Variants in DIS3L observed in about 807,000 individuals in gnomAD.
The protein encoded by DIS3L is DIS3-like exonuclease 1.
DIS3L carries 100 observed loss-of-function variants against 120.3 expected under a neutral mutation model. The ratio of observed to expected loss-of-function variants is 0.83; its 90% CI spans 0.71 to 0.98. The LOEUF (loss-of-function observed/expected upper bound fraction) is 0.98, where lower values mean the gene tolerates loss of function less well. Ranked by LOEUF, DIS3L falls within the 50% of genes least tolerant of loss-of-function variation. The pLI is 0.00. For missense variants in DIS3L, 1,196 were observed against 1,314.2 expected, an observed-to-expected ratio of 0.91 and a Z score of 1.39; for synonymous variants, 426 against 470.6, an observed-to-expected ratio of 0.91 and a Z score of 1.23.
chr15:66,294,332 C>T, intron 1 of DIS3L: 1 of 985,538 alleles, frequency 1.0e-6, no homozygotes, highest in Non-Finnish European at 1.2e-6. Context: ...TTCTAGGCCA[C>T]AAGGGTGGCC....
chr15:66,325,627 G>T (rs2140400842), intron 11 of DIS3L, among the ~76,000 whole-genome samples: 1 of 152,192 alleles, frequency 6.6e-6, no homozygotes, highest in Non-Finnish European at 1.5e-5. Context: ...GACTTAGGTG[G>T]GGCATGGTGG....
At chr15:66,324,288 C>T (rs2092914920) in intron 11 of DIS3L, among the ~76,000 whole-genome samples, 2 of 152,156 alleles carry the variant, frequency 1.3e-5, no homozygotes, top group Non-Finnish European at 2.9e-5. Flanking sequence ...TTTGGTATTA[C>T]AAACAAAGCT....
chr15:66,329,435 C>T, intron 14 of DIS3L, 36 bp downstream of exon 14: 2 of 1,576,812 alleles, frequency 1.3e-6, no homozygotes, highest in Non-Finnish European at 8.6e-7. Flanking sequence ...TACCTGTCAT[C>T]TCTTGCTAAG....
intron 3 of DIS3L, 130 bp downstream of exon 3, chr15:66,307,082 C>T (rs2092709583): frequency 2.6e-6 from 3 of 1,164,742 alleles, no homozygotes; most frequent in East Asian, 2.5e-5. Context: ...ATGATTAACA[C>T]CGAAATGCTT....
Position 66,314,081 on chromosome 15 carries a change from T to C in DIS3L, c.778T>C (p.Phe260Leu). 6.5e-7 allele frequency: 1 copy of C among 1,530,206 alleles called. No homozygotes were observed. The highest frequency in any genetic ancestry group is 8.7e-7 in the Non-Finnish European group (1 of 1,145,308). The allele number at this position is 1,530,206 out of a possible 1,614,324, so 94.8% of individuals were successfully genotyped here. Reference protein sequence around the residue: ...VNKHRAQIEAFVRLQGASSKD... With the variant: ...VNKHRAQIEALVRLQGASSKD... ...CAAACACAGAGCCCAAATAGAAGCT[T>C]TTGTTCGACTTCAAGGAGCCAGCAG... Residue 260 changes from phenylalanine to leucine, a missense_variant, in exon 6 of 17, where the codon TTT becomes CTT. Physicochemically the swap from Phe to Leu is conservative, Grantham distance 22. Coordinates refer to ENST00000319212, the MANE Select transcript of DIS3L (RefSeq NM_001143688.3).
chr15:66,295,939 ATGAAG>A (rs1320641921), intron 2 of DIS3L, among the ~76,000 whole-genome samples: 1 of 152,228 alleles, frequency 6.6e-6, no homozygotes, highest in Non-Finnish European at 1.5e-5. Flanking sequence ...GTGATAAAAG[ATGAAG>A]TGTTTTTATT....
intron 12 of DIS3L, 105 bp downstream of exon 12, chr15:66,326,469 G>A: frequency 7.9e-7 from 1 of 1,262,462 alleles, no homozygotes; most frequent in South Asian, 1.5e-5. Context: ...ACCAAAAAGA[G>A]AAAACAGATT....
rs763538334 is a variant in DIS3L at position 66,333,205 on chromosome 15, G to C, written c.3058G>C (p.Glu1020Gln). 8.7e-6 allele frequency: 14 copies of C among 1,613,992 alleles called. No homozygotes were observed. In the East Asian group the frequency reaches 1.8e-4, roughly 21 times the overall value. ...AGAAGTCAAAGTAAACATCATTCAG[G>C]AGGAATATCAAGAATATCGCCAAAC... ...AQEVKVNIIQEEYQEYRQTKG... is the reference protein window; with the variant it reads ...AQEVKVNIIQQEYQEYRQTKG... Residue 1020 changes from glutamate to glutamine, a missense_variant, in exon 17 of 17, where the codon GAG becomes CAG. By Grantham distance (29) the Glu-to-Gln change is conservative (BLOSUM62 2). Transcript: ENST00000319212.
intron 2 of DIS3L, among the ~76,000 whole-genome samples, chr15:66,305,021 G>A (rs1260175731): frequency 3.1e-5 from 3 of 96,444 alleles, no homozygotes; most frequent in African/African-American, 1.3e-4. Flanking sequence ...TTTTTTTTGA[G>A]CCGGAGGTCT....
Position 66,333,097 on chromosome 15 carries a change from C to G in DIS3L, c.2950C>G (p.Leu984Val). The stretch of plus-strand genomic sequence containing the variant: ...ACCATACAAGATACCAAATACAGAA[C>G]TTATTCATCAGAGTTCCCCCTTGCT... ...NKPYKIPNTE[L>V]IHQSSPLLKS... Residue 984 changes from leucine (L) to valine (V), a missense_variant, in exon 17 of 17, where the codon CTT becomes GTT. Physicochemically the swap from Leu to Val is conservative, Grantham distance 32 (BLOSUM62 1). Transcript: ENST00000319212. 2 of 1,613,268 alleles carry G rather than the reference C, an allele frequency of 1.2e-6. No homozygotes were observed. The highest frequency in any genetic ancestry group is 1.7e-6 in the Non-Finnish European group (2 of 1,180,012).
At chr15:66,305,770 ATCCTCC>A (rs1450111275) in intron 2 of DIS3L, among the ~76,000 whole-genome samples, 1 of 152,082 alleles carries the variant, frequency 6.6e-6, no homozygotes, top group Non-Finnish European at 1.5e-5. Flanking sequence ...GGCTCAAGCA[ATCCTCC>A]TTCCTCAGCC....
At chr15:66,316,509 C>T (rs549317566) in intron 7 of DIS3L, among the ~76,000 whole-genome samples, 1 of 152,114 alleles carries the variant, frequency 6.6e-6, no homozygotes, top group South Asian at 2.1e-4. Context: ...CTCAAAGACA[C>T]AATGATCCTT....
In DIS3L at chr15:66,326,081, A is replaced by G; in HGVS notation, c.1918A>G (p.Arg640Gly). 6.2e-7 allele frequency: 1 copy of G among 1,614,208 alleles called. No homozygotes were observed. Among genetic ancestry groups the G allele is most frequent in the Non-Finnish European group, 8.5e-7 (1 of 1,180,028 alleles). ...GKLTDIARHV[R>G]AKRDGCGALE... is the part of the protein sequence containing the mutation. Reference sequence around the variant, plus strand: ...GCTGACCGACATAGCTCGCCATGTCAGAGCTAAACGAGACGGATGTGGTGC... The same window carrying G: ...GCTGACCGACATAGCTCGCCATGTCGGAGCTAAACGAGACGGATGTGGTGC... Residue 640 changes from arginine to glycine, a missense_variant, in exon 12 of 17, where the codon AGA becomes GGA. Coordinates refer to ENST00000319212, the MANE Select transcript of DIS3L (RefSeq NM_001143688.3).
chr15:66,309,103 A>ATATATATATATATATATATATC (rs1206894686), intron 4 of DIS3L, among the ~76,000 whole-genome samples: 1 of 105,410 alleles, frequency 9.5e-6, no homozygotes, highest in Admixed American at 1.0e-4. Flanking sequence ...AAATATATAT[A>ATATATATATATATATATATATC]TCTCCAAGCA....
rs138076185 is a variant in DIS3L, at chr15:66,302,827, T to C, written c.294-3997T>C. ...AGCTTTATTTTAAATTGTGGTAAAA[T>C]GTACATACATAAAGTTGTCATTTTA... is the stretch of plus-strand genomic sequence containing the variant. On this transcript the variant is annotated intron_variant, in intron 2 of 16. Transcript: ENST00000319212. Among the ~76,000 whole-genome samples, 20 of 152,348 alleles carry C rather than the reference T, an allele frequency of 1.3e-4. 1 individual carries two copies. In the East Asian group the frequency reaches 2.9e-3, roughly 22 times the overall value.
rs1425723625 is a variant in DIS3L at position 66,328,970 on chromosome 15, G to A, written c.2202G>A (p.Arg734=). The change falls in exon 13 of 17, where the codon CGG becomes CGA. Residue 734 remains arginine (R), a splice_region_variant and synonymous_variant. Coordinates refer to ENST00000319212, the MANE Select transcript of DIS3L (RefSeq NM_001143688.3). ...AKAKGFFIDT[R]SNKTLADSLD... ...TAACGGTTTTTCTGTTCTTTGTCAGGTCCAATAAAACACTGGCTGATTCTC... is the reference window on the plus strand; with the variant it reads ...TAACGGTTTTTCTGTTCTTTGTCAGATCCAATAAAACACTGGCTGATTCTC... 6.2e-7 allele frequency: 1 copy of A among 1,610,578 alleles called. No homozygotes were observed. The highest frequency in any genetic ancestry group is 8.5e-7 in the Non-Finnish European group (1 of 1,179,158).
chr15:66,301,610 C>T (rs16949793), intron 2 of DIS3L, among the ~76,000 whole-genome samples: 14,974 of 152,182 alleles, frequency 0.098, 763 homozygotes, highest in African/African-American at 0.13. Context: ...CCATTGTTCT[C>T]CTGTCATTCT....
At chr15:66,324,152 G>A (rs2092913761) in intron 11 of DIS3L, among the ~76,000 whole-genome samples, 1 of 151,936 alleles carries the variant, frequency 6.6e-6, no homozygotes, top group African/African-American at 2.4e-5. Flanking sequence ...TACACAAATG[G>A]TTGCATTTTA....
chr15:66,314,853 G>T, intron 6 of DIS3L, 183 bp from the exon 7 acceptor site: 1 of 578,852 alleles, frequency 1.7e-6, no homozygotes, highest in Non-Finnish European at 3.0e-6. Flanking sequence ...TATACAGTAT[G>T]ACATGGTGCC....
Sources: gnomAD v4.1 joint callset for allele counts (sites outside exome capture counted in the v4.1 genomes callset) on GRCh38, gnomAD v4.1.1 for gene constraint, MANE v1.5 for transcripts, NCBI Gene and HGNC (gene_info 2026-07-23, HGNC 2026-07-21) for gene names.